IKZF2: variants seen among roughly 807,000 people sequenced by gnomAD.
The protein encoded by IKZF2 is IKAROS family zinc finger 2.
A neutral mutation model predicts 49.2 loss-of-function variants in IKZF2; 15 were observed. The observed-to-expected ratio is 0.30, with a 90% CI of 0.20 to 0.47. The LOEUF (loss-of-function observed/expected upper bound fraction) is 0.47, where lower values mean the gene tolerates loss of function less well. Among genes scored for constraint, IKZF2 ranks in the 20% least tolerant of loss-of-function variants. IKZF2 has a pLI of 1.00. For missense variants in IKZF2, 567 were observed against 664.6 expected (o/e 0.85, Z 1.61); for synonymous variants, 227 against 221.4 (o/e 1.03, Z -0.23).
intron 4 of IKZF2, among the ~76,000 whole-genome samples, chr2:213,066,644 A>G (rs927971159): frequency 6.6e-6 from 1 of 152,062 alleles, no homozygotes; most frequent in Admixed American, 6.6e-5. Flanking sequence ...AATTAAAGCA[A>G]TTTTTGACAG....
intron 4 of IKZF2, among the ~76,000 whole-genome samples, chr2:213,146,636 C>T (rs1383334840): frequency 6.6e-6 from 1 of 151,304 alleles, no homozygotes; most frequent in African/African-American, 2.4e-5. Context: ...TTTATAATAA[C>T]TTACAGTTTC....
rs575844951 is a variant in IKZF2 at position 213,087,760 on chromosome 2, T to C, written c.140-30661A>G. Among the ~76,000 whole-genome samples the C allele has an allele frequency of 2.6e-4, 39 of 152,364 alleles. 1 individual carries two copies. The South Asian group carries it at 7.3e-3, about 28-fold the overall frequency. On this transcript the variant is annotated intron_variant, in intron 4 of 8. Transcript: ENST00000434687. ...AGTGAGAACATGCGGTGTTTGGTTT[T>C]CTGTCCTTGCGATAGTTTGCTCATA...
intron 6 of IKZF2, among the ~76,000 whole-genome samples, chr2:213,022,845 T>A (rs1325542850): frequency 6.6e-6 from 1 of 152,158 alleles, no homozygotes; most frequent in African/African-American, 2.4e-5. Context: ...ACATCTCACA[T>A]TAAGGAAATG....
At chr2:213,014,527 G>A (rs747596554) in intron 7 of IKZF2, 1 of 151,956 alleles carries the variant, frequency 6.6e-6, no homozygotes, top group Non-Finnish European at 1.5e-5. Flanking sequence ...AACTGTGGCA[G>A]CTTTATGATT....
chr2:213,094,027 A>G (rs887036072), intron 4 of IKZF2, among the ~76,000 whole-genome samples: 1 of 152,188 alleles, frequency 6.6e-6, no homozygotes, highest in Non-Finnish European at 1.5e-5. Flanking sequence ...CACAAGAGAG[A>G]ACTCCAGAGA....
intron 4 of IKZF2, among the ~76,000 whole-genome samples, chr2:213,113,904 A>C (rs1020884652): frequency 6.6e-6 from 1 of 152,204 alleles, no homozygotes; most frequent in Non-Finnish European, 1.5e-5. Context: ...TTTTATACTC[A>C]TCACAAGGAT....
At chr2:213,096,623 G>A (rs532505673) in intron 4 of IKZF2, among the ~76,000 whole-genome samples, 19 of 151,932 alleles carry the variant, frequency 1.3e-4, no homozygotes, top group Admixed American at 5.2e-4. Flanking sequence ...GCACTGTACC[G>A]AAAGTAATTT....
chr2:213,143,222 C>G (rs1034841679), intron 4 of IKZF2, among the ~76,000 whole-genome samples: 6 of 152,012 alleles, frequency 3.9e-5, no homozygotes, highest in African/African-American at 1.4e-4. Context: ...CTCAATAGAA[C>G]ACAATCAATG....
At chr2:213,129,628 GC>G (rs770078389) in intron 4 of IKZF2, among the ~76,000 whole-genome samples, 29 of 152,234 alleles carry the variant, frequency 1.9e-4, no homozygotes, top group Middle Eastern at 3.4e-3. Flanking sequence ...TCAGTGGAAA[GC>G]TTTTGTGTTT....
chr2:213,150,260 G>C lies in IKZF2; in HGVS notation c.-119-13C>G. 1 of 1,057,874 alleles carries C rather than the reference G, an allele frequency of 9.5e-7. No homozygotes were observed. The highest frequency in any genetic ancestry group is 1.3e-6 in the Non-Finnish European group (1 of 766,664). The allele number at this position is 1,057,874 out of a possible 1,614,324, so 65.5% of individuals were successfully genotyped here. Reference sequence around the variant, plus strand: ...TGACAATGTCGGGCTGAAGATAAACGGAGGGAGAAAGAAAGAAGTTTTTTG... The same window carrying C: ...TGACAATGTCGGGCTGAAGATAAACCGAGGGAGAAAGAAAGAAGTTTTTTG... On this transcript the variant is annotated splice_polypyrimidine_tract_variant and intron_variant, in intron 1 of 8. Coordinates refer to ENST00000434687, the MANE Select transcript of IKZF2 (RefSeq NM_001387220.1).
At chr2:213,010,500 C>T (rs1282653773) in intron 8 of IKZF2, among the ~76,000 whole-genome samples, 1 of 152,024 alleles carries the variant, frequency 6.6e-6, no homozygotes, top group African/African-American at 2.4e-5. Flanking sequence ...ATTCCTTGCC[C>T]AAATGGTTCT....
chr2:213,122,623 C>G (rs2060096215), intron 4 of IKZF2, among the ~76,000 whole-genome samples: 1 of 152,164 alleles, frequency 6.6e-6, no homozygotes, highest in South Asian at 2.1e-4. Context: ...ACTACGTGAC[C>G]TTGCTGAAAC....
At chr2:213,135,637 A>C (rs771728524) in intron 4 of IKZF2, among the ~76,000 whole-genome samples, 5 of 151,672 alleles carry the variant, frequency 3.3e-5, no homozygotes, top group Non-Finnish European at 7.4e-5. Flanking sequence ...CTGAGCTATA[A>C]TCGTGACACC....
At chr2:213,108,928 C>T (rs77164797) in intron 4 of IKZF2, among the ~76,000 whole-genome samples, 6,066 of 152,038 alleles carry the variant, frequency 0.04, 253 homozygotes, top group African/African-American at 0.11. Context: ...ATGAAATATA[C>T]ATCTATTTAT....
At chr2:213,043,846 C>T (rs1699894213) in intron 6 of IKZF2, among the ~76,000 whole-genome samples, 1 of 152,232 alleles carries the variant, frequency 6.6e-6, no homozygotes, top group South Asian at 2.1e-4. Context: ...TAAGAGGCCA[C>T]CCAGTGACTG....
At chr2:213,125,182 G>A (rs530489539) in intron 4 of IKZF2, among the ~76,000 whole-genome samples, 1 of 152,268 alleles carries the variant, frequency 6.6e-6, no homozygotes, top group African/African-American at 2.4e-5. Context: ...CTGTTCTAGA[G>A]TGTATAACAT....
intron 6 of IKZF2, among the ~76,000 whole-genome samples, chr2:213,031,686 A>G (rs367707798): frequency 1.1e-4 from 17 of 152,212 alleles, no homozygotes; most frequent in African/African-American, 3.9e-4. Context: ...TTGGCAGTGT[A>G]ACAGTTATGC....
At position 213,000,637 on chromosome 2, in the gene IKZF2, C is replaced by A. The variant is rs1309792381; in HGVS notation, c.*6723G>T. 2.0e-5 allele frequency: 3 copies of A among 151,018 alleles called. No homozygotes were observed. Among genetic ancestry groups the A allele is most frequent in the Non-Finnish European group, 3.0e-5 (2 of 67,372 alleles). The allele number at this position is 151,018 out of a possible 1,614,324, so 9.4% of individuals were successfully genotyped here. On this transcript the variant is annotated 3_prime_UTR_variant, in exon 9 of 9. Transcript: ENST00000434687. ...CATATAAATATGTATAAGAAAAATACCTCTTACTTAAATTTGTATGAAAAC... is the reference window on the plus strand; with the variant it reads ...CATATAAATATGTATAAGAAAAATAACTCTTACTTAAATTTGTATGAAAAC...
At chr2:213,060,381 T>C (rs1701569039) in intron 4 of IKZF2, among the ~76,000 whole-genome samples, 1 of 151,410 alleles carries the variant, frequency 6.6e-6, no homozygotes, top group Non-Finnish European at 1.5e-5. Context: ...GCCACAACTA[T>C]TGAATTACAA....
Sources: gnomAD v4.1 joint callset for allele counts (sites outside exome capture counted in the v4.1 genomes callset) on GRCh38, gnomAD v4.1.1 for gene constraint, MANE v1.5 for transcripts, NCBI Gene and HGNC (gene_info 2026-07-23, HGNC 2026-07-21) for gene names.